Variants in NINL observed in about 807,000 individuals in gnomAD.
NINL encodes the protein ninein-like protein.
Under a neutral mutation model 160.3 loss-of-function variants are expected in NINL, and 153 were observed. The observed-to-expected ratio is 0.95, with a 90% CI of 0.84 to 1.09. The LOEUF (loss-of-function observed/expected upper bound fraction) is 1.09, where lower values mean the gene tolerates loss of function less well. NINL is among the 50% of genes least tolerant of loss of function. NINL has a pLI of 0.00. For synonymous variants in NINL, 800 were observed against 734.8 expected (o/e 1.09, Z -1.43); for missense variants, 1,829 against 1,764.0 (o/e 1.04, Z -0.66).
At chr20:25,463,717 C>G (rs2062845326) in intron 19 of NINL, among the ~76,000 whole-genome samples, 1 of 152,210 alleles carries the variant, frequency 6.6e-6, no homozygotes, top group African/African-American at 2.4e-5. Context: ...CGTCACCTTC[C>G]CAGAGTGACG....
intron 1 of NINL, among the ~76,000 whole-genome samples, chr20:25,545,504 C>T (rs1028197469): frequency 2.6e-5 from 4 of 152,016 alleles, no homozygotes; most frequent in Non-Finnish European, 5.9e-5. Flanking sequence ...ATGGTGCCCT[C>T]CTCTCAGCCA....
intron 1 of NINL, 54 bp downstream of exon 1, chr20:25,585,401 C>T (rs2065218941): frequency 6.6e-6 from 1 of 152,158 alleles, no homozygotes; most frequent in Non-Finnish European, 1.5e-5. Context: ...CGGCCCCGGA[C>T]TCTCGACCCC....
intron 3 of NINL, among the ~76,000 whole-genome samples, chr20:25,517,070 C>T (rs1004216585): frequency 8.5e-5 from 13 of 152,052 alleles, no homozygotes; most frequent in Non-Finnish European, 1.5e-4. Flanking sequence ...CAATGCCATA[C>T]GCTCACACAG....
intron 1 of NINL, among the ~76,000 whole-genome samples, chr20:25,557,479 C>T (rs1486671742): frequency 2.6e-5 from 4 of 151,040 alleles, no homozygotes; most frequent in East Asian, 1.9e-4. Flanking sequence ...TTCAGTGAGC[C>T]GAGATCACAC....
intron 5 of NINL, among the ~76,000 whole-genome samples, chr20:25,505,341 G>C (rs1006716887): frequency 2.7e-5 from 4 of 149,796 alleles, no homozygotes; most frequent in Admixed American, 1.3e-4. Context: ...CTGGTTGGGG[G>C]GGGGTCACTT....
At chr20:25,474,957 A>AT (rs1321147179) in intron 17 of NINL, among the ~76,000 whole-genome samples, 2 of 151,650 alleles carry the variant, frequency 1.3e-5, no homozygotes, top group Non-Finnish European at 2.9e-5. Context: ...TAATTTTTGT[A>AT]TTTTTAGTAG....
chr20:25,578,574 A>G (rs938868715), intron 1 of NINL, among the ~76,000 whole-genome samples: 1 of 151,680 alleles, frequency 6.6e-6, no homozygotes, highest in African/African-American at 2.4e-5. Flanking sequence ...CAGGTGGATC[A>G]TGAGGTCAGG....
At chr20:25,467,348 G>A (rs2062939397) in intron 19 of NINL, 41 bp downstream of exon 19, 1 of 1,418,026 alleles carries the variant, frequency 7.1e-7, no homozygotes, top group Non-Finnish European at 1.0e-6. Flanking sequence ...TGAAAAAAAG[G>A]AATGGTGGCA....
intron 19 of NINL, among the ~76,000 whole-genome samples, chr20:25,464,809 T>G (rs908622557): frequency 1.3e-5 from 2 of 152,194 alleles, no homozygotes; most frequent in Non-Finnish European, 2.9e-5. Flanking sequence ...TCAGCTTCTG[T>G]GTCTCATGAC....
At chr20:25,462,726 T>C (rs2062822671) in intron 19 of NINL, 185 bp from the exon 20 acceptor site, 3 of 543,056 alleles carry the variant, frequency 5.5e-6, no homozygotes, top group Non-Finnish European at 9.6e-6. Flanking sequence ...ACATTCATGG[T>C]TCACTGCAGC....
intron 1 of NINL, among the ~76,000 whole-genome samples, chr20:25,555,017 T>C (rs890295988): frequency 1.3e-5 from 2 of 151,914 alleles, no homozygotes; most frequent in Non-Finnish European, 2.9e-5. Context: ...TACAGAGAAA[T>C]AGCCATCAGC....
chr20:25,583,507 C>G (rs918852550), intron 1 of NINL, among the ~76,000 whole-genome samples: 1 of 152,168 alleles, frequency 6.6e-6, no homozygotes, highest in African/African-American at 2.4e-5. Context: ...GGAATAGGAA[C>G]GCTTTTACAC....
At chr20:25,487,696 C>T (rs1325168831) in intron 13 of NINL, among the ~76,000 whole-genome samples, 2 of 152,222 alleles carry the variant, frequency 1.3e-5, no homozygotes, top group Non-Finnish European at 2.9e-5. Context: ...ATGTGGTGAA[C>T]GACCTTAGAG....
At chr20:25,564,929 G>C (rs946426807) in intron 1 of NINL, among the ~76,000 whole-genome samples, 2 of 152,034 alleles carry the variant, frequency 1.3e-5, no homozygotes, top group South Asian at 4.1e-4. Context: ...CAGTTTTACC[G>C]AAGCAAAAGC....
In NINL at chr20:25,452,748, C is replaced by T. The variant is rs1442504657; in HGVS notation, c.*703G>A. ...GCAAATACAGTGACTTTTTATATTA[C>T]AGTAGTACATTCCAATCAGCCATAT... On this transcript the variant is annotated 3_prime_UTR_variant, in exon 24 of 24. Coordinates refer to ENST00000278886, the MANE Select transcript of NINL (RefSeq NM_025176.6). The T allele has an allele frequency of 6.6e-6, 1 of 151,480 alleles. No individual in the cohort carries two copies. Among genetic ancestry groups the T allele is most frequent in the Admixed American group, 6.6e-5 (1 of 15,142 alleles). 9.4% of individuals were successfully genotyped at this position (151,480 alleles called of 1,614,324 possible). A position where few individuals can be genotyped will look rare whatever the true frequency, so the allele number is the denominator to read the frequency against.
At chr20:25,455,840 C>T in intron 22 of NINL, 54 bp from the exon 23 acceptor site, 1 of 1,465,408 alleles carries the variant, frequency 6.8e-7, no homozygotes, top group Non-Finnish European at 9.6e-7. Flanking sequence ...CGCCTCTAAT[C>T]CCAGCACTTT....
At chr20:25,489,103 G>T in intron 13 of NINL, 141 bp downstream of exon 13, 1 of 806,786 alleles carries the variant, frequency 1.2e-6, no homozygotes, top group Non-Finnish European at 2.1e-6. Flanking sequence ...AAGTCTAGGA[G>T]TGTGGCAAGG....
intron 5 of NINL, among the ~76,000 whole-genome samples, chr20:25,506,001 C>T (rs1568925460): frequency 6.6e-6 from 1 of 152,252 alleles, no homozygotes; most frequent in African/African-American, 2.4e-5. Context: ...CGGTGGCTTA[C>T]GCCTGTAATC....
At chr20:25,572,323 C>T (rs906180562) in intron 1 of NINL, among the ~76,000 whole-genome samples, 4 of 151,924 alleles carry the variant, frequency 2.6e-5, no homozygotes, top group Admixed American at 2.6e-4. Context: ...CTTAACACTC[C>T]CTCCCTGGGA....
Sources: allele counts gnomAD v4.1 joint callset (sites outside exome capture counted in the v4.1 genomes callset), GRCh38; gene constraint gnomAD v4.1.1; transcripts MANE v1.5; gene names NCBI Gene and HGNC (gene_info 2026-07-23, HGNC 2026-07-21).